Variants in GABRR2 observed in about 807,000 individuals in gnomAD.
The protein encoded by GABRR2 is gamma-aminobutyric acid type A receptor subunit rho2.
Under a neutral mutation model 47.0 loss-of-function variants are expected in GABRR2, and 36 were observed. The ratio of observed to expected loss-of-function variants is 0.77; its 90% CI spans 0.59 to 1.01. GABRR2 has a LOEUF of 1.01. GABRR2 is among the 50% of genes least tolerant of loss of function. The pLI is 0.00. For synonymous variants in GABRR2, 204 were observed against 227.5 expected, an observed-to-expected ratio of 0.90 and a Z score of 0.93; for missense variants, 587 against 594.6, an observed-to-expected ratio of 0.99 and a Z score of 0.13.
At chr6:89,258,798 A>C (rs774604002) in intron 8 of GABRR2, among the ~76,000 whole-genome samples, 7 of 149,956 alleles carry the variant, frequency 4.7e-5, no homozygotes. Flanking sequence ...TACATTTGAG[A>C]GTCAAGGGTC....
At chr6:89,290,167 A>G (rs1774412698) in intron 2 of GABRR2, among the ~76,000 whole-genome samples, 1 of 152,208 alleles carries the variant, frequency 6.6e-6, no homozygotes, top group South Asian at 2.1e-4. Context: ...TTTGACAAAT[A>G]CACCTTCCTA....
At chr6:89,275,892 T>A (rs1774150001) in intron 2 of GABRR2, among the ~76,000 whole-genome samples, 1 of 152,080 alleles carries the variant, frequency 6.6e-6, no homozygotes. Context: ...ATTATGTCAG[T>A]CACCGAACAC....
Position 89,302,996 on chromosome 6 carries a change from A to G in GABRR2, c.114-3131T>C, listed in dbSNP as rs1767484038. On this transcript the variant is annotated intron_variant, in intron 1 of 8. Transcript: ENST00000402938. ...GACGAGATGGAGATCACCGAGGCCAAGAGCAACATGAATGACCTGGTGTCC... is the reference window on the plus strand; with the variant it reads ...GACGAGATGGAGATCACCGAGGCCAGGAGCAACATGAATGACCTGGTGTCC... The G allele has an allele frequency of 7.7e-6, 10 of 1,292,194 alleles. No homozygotes were observed. The South Asian group carries it at 1.2e-4, about 15-fold the overall frequency. 80.0% of individuals were successfully genotyped at this position (1,292,194 alleles called of 1,614,324 possible).
In GABRR2 at chr6:89,255,667, C is replaced by A. The variant is rs1021039699; in HGVS notation, c.*2003G>T. 1.3e-5 allele frequency among the ~76,000 whole-genome samples: 2 copies of A among 152,046 alleles called. No individual in the cohort carries two copies. The highest frequency in any genetic ancestry group is 2.9e-5 in the Non-Finnish European group (2 of 68,008). On this transcript the variant is annotated 3_prime_UTR_variant, in exon 9 of 9. Transcript: ENST00000402938. ...AGTCGCTCACCTCCTCTTATCACAGCCTAGGATCCTGCCAAAATGAATGAC... is the reference window on the plus strand; with the variant it reads ...AGTCGCTCACCTCCTCTTATCACAGACTAGGATCCTGCCAAAATGAATGAC...
At position 89,315,287 on chromosome 6, in the gene GABRR2, G is replaced by C. The variant is rs563689719; in HGVS notation, c.-122C>G. The C allele has an allele frequency of 6.4e-7, 1 of 1,565,398 alleles. No homozygotes were observed. Among genetic ancestry groups the C allele is most frequent in the African/African-American group, 1.4e-5 (1 of 73,648 alleles). On this transcript the variant is annotated 5_prime_UTR_variant, in exon 1 of 9. Coordinates refer to ENST00000402938, the MANE Select transcript of GABRR2 (RefSeq NM_002043.5). ...ACGGGCTGCTCTGAGGGGCTGTGAG[G>C]GCAAGGCTGGCCAGGCTAGTTGTCC...
At chr6:89,289,269 A>T (rs567418763) in intron 2 of GABRR2, among the ~76,000 whole-genome samples, 1 of 152,198 alleles carries the variant, frequency 6.6e-6, no homozygotes, top group Non-Finnish European at 1.5e-5. Flanking sequence ...GCCAGGCTGC[A>T]GAGAGGTATC....
rs1004542964 is a variant in GABRR2 at position 89,302,126 on chromosome 6, C to T, written c.114-2261G>A. On this transcript the variant is annotated intron_variant, in intron 1 of 8. Transcript: ENST00000402938. ...GGAGGGTGCGGAGCTGGTGGATTCC[C>T]TCCTGGATGTGCGGAAGAAGTGTGA... The T allele has an allele frequency of 4.9e-6, 3 of 608,640 alleles. No individual in the cohort carries two copies. The Admixed American group carries it at 6.3e-5, about 13-fold the overall frequency. The allele number at this position is 608,640 out of a possible 1,614,324, so 37.7% of individuals were successfully genotyped here. A position where few individuals can be genotyped will look rare whatever the true frequency, so the allele number is the denominator to read the frequency against.
At chr6:89,312,074 G>A (rs1343280566) in intron 1 of GABRR2, among the ~76,000 whole-genome samples, 2 of 152,184 alleles carry the variant, frequency 1.3e-5, no homozygotes, top group South Asian at 2.1e-4. Flanking sequence ...AAGCTACAGA[G>A]GGGGCTCCAC....
intron 7 of GABRR2, among the ~76,000 whole-genome samples, chr6:89,265,009 G>C (rs1773856837): frequency 6.6e-6 from 1 of 152,172 alleles, no homozygotes; most frequent in Non-Finnish European, 1.5e-5. Context: ...TTTAGTCGCT[G>C]TGGAAGACTG....
At chr6:89,303,400 A>G (rs577922657) in intron 1 of GABRR2, among the ~76,000 whole-genome samples, 17 of 142,866 alleles carry the variant, frequency 1.2e-4, no homozygotes, top group Non-Finnish European at 2.1e-4. Context: ...TACTTAATAA[A>G]TCTATTGCTG....
At chr6:89,303,039 G>A in intron 1 of GABRR2, 1 of 1,099,050 alleles carries the variant, frequency 9.1e-7, no homozygotes. Flanking sequence ...AGCAGTACCA[G>A]GACTCCATGG....
intron 2 of GABRR2, among the ~76,000 whole-genome samples, chr6:89,277,631 A>G (rs1774185143): frequency 2.0e-5 from 1 of 49,912 alleles, no homozygotes; most frequent in African/African-American, 1.3e-4. Context: ...ACACACATGT[A>G]CCTGAATCTA....
At chr6:89,303,277 G>A (rs1281788878) in intron 1 of GABRR2, among the ~76,000 whole-genome samples, 2 of 152,146 alleles carry the variant, frequency 1.3e-5, no homozygotes, top group Non-Finnish European at 2.9e-5. Context: ...GTTTACACCC[G>A]TCCTCCCCAC....
At chr6:89,268,218 T>A in intron 4 of GABRR2, 122 bp from the exon 5 acceptor site, 1 of 732,648 alleles carries the variant, frequency 1.4e-6, no homozygotes, top group Non-Finnish European at 2.5e-6. Flanking sequence ...TGCAGAAGTT[T>A]GGAAACAGTT....
At chr6:89,294,007 G>A (rs192227780) in intron 2 of GABRR2, among the ~76,000 whole-genome samples, 5 of 152,222 alleles carry the variant, frequency 3.3e-5, no homozygotes, top group Non-Finnish European at 5.9e-5. Flanking sequence ...GTCACCCAAC[G>A]GGTATCTAGT....
chr6:89,295,541 G>A (rs543772599), intron 2 of GABRR2, among the ~76,000 whole-genome samples: 2 of 152,278 alleles, frequency 1.3e-5, no homozygotes, highest in African/African-American at 4.8e-5. Context: ...TGTGTCAGAT[G>A]AGTAGATTGC....
At chr6:89,282,237 G>T (rs79744369) in intron 2 of GABRR2, among the ~76,000 whole-genome samples, 1 of 152,016 alleles carries the variant, frequency 6.6e-6, no homozygotes, top group Non-Finnish European at 1.5e-5. Flanking sequence ...CTCACATACT[G>T]ATCTTGCTCT....
chr6:89,265,508 C>T (rs1773870095), intron 7 of GABRR2, 105 bp downstream of exon 7: 3 of 1,269,826 alleles, frequency 2.4e-6, no homozygotes, highest in Non-Finnish European at 3.2e-6. Flanking sequence ...CTGACTCTAA[C>T]AGCTCATCAG....
At chr6:89,271,455 C>A (rs1774047310) in intron 3 of GABRR2, among the ~76,000 whole-genome samples, 200 bp downstream of exon 3, 1 of 152,162 alleles carries the variant, frequency 6.6e-6, no homozygotes, top group Non-Finnish European at 1.5e-5. Context: ...GCCCAGAAAC[C>A]CACATTTAAC....
Sources: gnomAD v4.1 joint callset for allele counts (sites outside exome capture counted in the v4.1 genomes callset) on GRCh38, gnomAD v4.1.1 for gene constraint, MANE v1.5 for transcripts, NCBI Gene and HGNC (gene_info 2026-07-23, HGNC 2026-07-21) for gene names.